The following SLIT1 variants were observed in gnomAD, a reference collection of about 807,000 sequenced individuals.
SLIT1 encodes the protein slit guidance ligand 1, also known as slit homolog 1 protein.
Under a neutral mutation model 186.1 loss-of-function variants are expected in SLIT1, and 66 were observed. The observed-to-expected ratio is 0.35, with a 90% CI of 0.29 to 0.44. The LOEUF (loss-of-function observed/expected upper bound fraction) is 0.44. Ranked by LOEUF, SLIT1 falls within the 20% of genes least tolerant of loss-of-function variation. SLIT1 has a pLI of 1.00. For synonymous variants in SLIT1, 761 were observed against 833.8 expected, an observed-to-expected ratio of 0.91 and a Z score of 1.50; for missense variants, 1,638 against 2,037.4, an observed-to-expected ratio of 0.80 and a Z score of 3.77.
chr10:97,037,158 G>A (rs966391818), intron 22 of SLIT1, among the ~76,000 whole-genome samples: 1 of 151,112 alleles, frequency 6.6e-6, no homozygotes, highest in African/African-American at 2.4e-5. Context: ...GCAATGGTGC[G>A]ATCTTGGCTC....
In SLIT1 at chr10:97,087,438, T is replaced by A. The variant is rs555015689; in HGVS notation, c.414-21352A>T. Among the ~76,000 whole-genome samples the A allele has an allele frequency of 6.6e-5, 10 of 152,346 alleles. No homozygotes were observed. The South Asian group carries it at 2.1e-3, about 32-fold the overall frequency. Reference sequence around the variant, plus strand: ...CGTCTCCATCCCTGCATTTGTCACATTGCATGTCTGCAAGTCTCAAGCCTC... The same window carrying A: ...CGTCTCCATCCCTGCATTTGTCACAATGCATGTCTGCAAGTCTCAAGCCTC... On this transcript the variant is annotated intron_variant, in intron 4 of 36. Transcript: ENST00000266058.
intron 4 of SLIT1, among the ~76,000 whole-genome samples, chr10:97,081,143 C>T (rs988218207): frequency 4.6e-5 from 7 of 152,118 alleles, no homozygotes; most frequent in African/African-American, 1.7e-4. Context: ...CAGGGGTGGG[C>T]CTGGGGCTGG....
At chr10:97,033,527 T>C (rs993983780) in intron 23 of SLIT1, among the ~76,000 whole-genome samples, 4 of 152,216 alleles carry the variant, frequency 2.6e-5, no homozygotes, top group South Asian at 4.1e-4. Flanking sequence ...AAGACTAGAA[T>C]AGATGAGGAA....
chr10:97,139,805 G>C (rs577946481), intron 4 of SLIT1, among the ~76,000 whole-genome samples: 1 of 152,324 alleles, frequency 6.6e-6, no homozygotes, highest in Non-Finnish European at 1.5e-5. Context: ...ATGTCAGTGT[G>C]CACACAGGGC....
intron 4 of SLIT1, among the ~76,000 whole-genome samples, chr10:97,087,836 T>C (rs1477087422): frequency 6.6e-6 from 1 of 152,154 alleles, no homozygotes; most frequent in African/African-American, 2.4e-5. Flanking sequence ...CCCATTTTCA[T>C]CTTTCTTTGT....
intron 25 of SLIT1, among the ~76,000 whole-genome samples, chr10:97,029,463 G>A (rs1848573284): frequency 6.6e-6 from 1 of 152,136 alleles, no homozygotes; most frequent in Non-Finnish European, 1.5e-5. Flanking sequence ...TGAGGTGCCA[G>A]GCAGAGTCCA....
chr10:97,066,778 A>G (rs1848950606), intron 4 of SLIT1, among the ~76,000 whole-genome samples: 1 of 152,186 alleles, frequency 6.6e-6, no homozygotes, highest in African/African-American at 2.4e-5. Flanking sequence ...ACTTCTTTAT[A>G]GCAATACAAG....
At chr10:97,181,966 T>C (rs1321124896) in intron 1 of SLIT1, among the ~76,000 whole-genome samples, 1 of 152,194 alleles carries the variant, frequency 6.6e-6, no homozygotes, top group Non-Finnish European at 1.5e-5. Context: ...TCAAGGTCGT[T>C]GTGGAAGAAA....
intron 23 of SLIT1, among the ~76,000 whole-genome samples, chr10:97,034,023 C>A (rs928777686): frequency 1.3e-5 from 2 of 152,108 alleles, no homozygotes; most frequent in African/African-American, 4.8e-5. Context: ...CGCCACCCAG[C>A]CCGATTAATT....
At chr10:97,133,232 G>T (rs761785292) in intron 4 of SLIT1, among the ~76,000 whole-genome samples, 1 of 152,150 alleles carries the variant, frequency 6.6e-6, no homozygotes, top group African/African-American at 2.4e-5. Context: ...AGGACATTAC[G>T]CTAAGTGAAA....
intron 25 of SLIT1, among the ~76,000 whole-genome samples, chr10:97,024,252 A>G (rs967748814): frequency 6.6e-6 from 1 of 152,146 alleles, no homozygotes; most frequent in African/African-American, 2.4e-5. Flanking sequence ...GAATTCCCCA[A>G]AATAGCTCAG....
At chr10:97,131,345 C>T (rs545613047) in intron 4 of SLIT1, among the ~76,000 whole-genome samples, 3 of 152,252 alleles carry the variant, frequency 2.0e-5, no homozygotes, top group South Asian at 2.1e-4. Context: ...TTCGCCTGGG[C>T]GCTGACAGCC....
chr10:97,065,153 C>T (rs1462762671), intron 5 of SLIT1, among the ~76,000 whole-genome samples: 1 of 149,844 alleles, frequency 6.7e-6, no homozygotes, highest in Non-Finnish European at 1.5e-5. Flanking sequence ...CACACACACA[C>T]ACACACACAC....
chr10:97,109,697 G>A (rs2134678109), intron 4 of SLIT1, among the ~76,000 whole-genome samples: 1 of 152,332 alleles, frequency 6.6e-6, no homozygotes, highest in Middle Eastern at 3.4e-3. Flanking sequence ...GTGCACAGAG[G>A]AGGGGTGAGG....
chr10:97,142,911 A>G (rs1198748170), intron 4 of SLIT1, among the ~76,000 whole-genome samples: 1 of 152,238 alleles, frequency 6.6e-6, no homozygotes, highest in Non-Finnish European at 1.5e-5. Flanking sequence ...TCATCAGAGA[A>G]ATGCAAATCA....
chr10:97,016,308 C>CA lies in SLIT1; in HGVS notation c.2970-2151dup, dbSNP rs1022274385. Among the ~76,000 whole-genome samples the CA allele has an allele frequency of 6.9e-3, 876 of 127,134 alleles. 7 individuals carry two copies. The highest frequency in any genetic ancestry group is 0.013 in the African/African-American group (426 of 33,928). The allele number at this position is 127,134 out of a possible 152,430, so 83.4% of individuals were successfully genotyped here. Reference sequence around the variant, plus strand: ...TGGGTGACAGAGCGAGACTCTGTCTCAAAAAAAAAAAAGTGTCAAAATGAT... The same window carrying CA: ...TGGGTGACAGAGCGAGACTCTGTCTCAAAAAAAAAAAAAGTGTCAAAATGAT... On this transcript the variant is annotated intron_variant, in intron 28 of 36. Transcript: ENST00000266058.
chr10:97,143,621 T>C (rs1849787122), intron 4 of SLIT1, among the ~76,000 whole-genome samples: 1 of 152,150 alleles, frequency 6.6e-6, no homozygotes, highest in Non-Finnish European at 1.5e-5. Context: ...TTATCACAAT[T>C]TTAGAAAAGC....
At chr10:97,038,816 G>A (rs758524121) in intron 21 of SLIT1, among the ~76,000 whole-genome samples, 2 of 152,102 alleles carry the variant, frequency 1.3e-5, no homozygotes, top group South Asian at 4.2e-4. Context: ...TTTGATCCTC[G>A]AGGCAGTCCT....
intron 4 of SLIT1, among the ~76,000 whole-genome samples, chr10:97,134,681 T>C (rs567387959): frequency 6.6e-6 from 1 of 152,310 alleles, no homozygotes; most frequent in South Asian, 2.1e-4. Context: ...CTGGATTTCA[T>C]TCCCCCAGAG....
Sources: gnomAD v4.1 joint callset for allele counts (sites outside exome capture counted in the v4.1 genomes callset) on GRCh38, gnomAD v4.1.1 for gene constraint, MANE v1.5 for transcripts, NCBI Gene and HGNC (gene_info 2026-07-23, HGNC 2026-07-21) for gene names.